The following MID1 variants were observed in gnomAD, a reference collection of about 807,000 sequenced individuals.
MID1 encodes the protein midline 1, also known as E3 ubiquitin-protein ligase Midline-1.
In MID1, 7 loss-of-function variants were observed where a neutral mutation model predicts 40.4. The ratio of observed to expected loss-of-function variants is 0.17; its 90% CI spans 0.10 to 0.33. The LOEUF is 0.33. Among genes scored for constraint, MID1 ranks in the 10% least tolerant of loss-of-function variants. MID1 has a pLI of 1.00. For synonymous variants in MID1, 229 were observed against 221.2 expected (o/e 1.04, Z -0.31); for missense variants, 367 against 558.5 (o/e 0.66, Z 3.46).
At chrX:10,639,727 T>C (rs1936165749) in intron 1 of MID1, among the ~76,000 whole-genome samples, 1 of 110,441 alleles carries the variant, frequency 9.1e-6, no homozygotes, top group Non-Finnish European at 1.9e-5. Context: ...TTCACCATGG[T>C]CGAAATGAAG....
At chrX:10,664,254 C>T (rs907159255) in intron 1 of MID1, among the ~76,000 whole-genome samples, 3 of 110,223 alleles carry the variant, frequency 2.7e-5, no homozygotes, top group African/African-American at 6.6e-5. Context: ...CTCCACCTCC[C>T]GGGTTCAAGC....
chrX:10,801,090 C>A (rs547958168), intron 1 of MID1, among the ~76,000 whole-genome samples: 1 of 108,263 alleles, frequency 9.2e-6, no homozygotes, highest in Non-Finnish European at 1.9e-5. Context: ...AATGGATAGT[C>A]AGGACTCAGA....
intron 1 of MID1, among the ~76,000 whole-genome samples, chrX:10,724,423 C>G (rs2043377049): frequency 8.9e-6 from 1 of 111,798 alleles, no homozygotes; most frequent in African/African-American, 3.3e-5. Context: ...TGATGTCTAT[C>G]TAAAGTATGA....
chrX:10,529,443 A>G, intron 2 of MID1, among the ~76,000 whole-genome samples: 1 of 112,327 alleles, frequency 8.9e-6, no homozygotes, highest in Non-Finnish European at 1.9e-5. Context: ...CCTGTTTTAG[A>G]CTAAGTGTAC....
chrX:10,521,320 C>G (rs1443448613), intron 3 of MID1, among the ~76,000 whole-genome samples: 1 of 110,710 alleles, frequency 9.0e-6, no homozygotes, highest in Non-Finnish European at 1.9e-5. Context: ...TCTCCTTTCT[C>G]TGAATCACAT....
intron 3 of MID1, chrX:10,505,837 T>C: frequency 2.7e-6 from 2 of 754,484 alleles, no homozygotes; most frequent in Non-Finnish European, 3.1e-6. Flanking sequence ...TGTGCCATGA[T>C]TCCTGAAAAG....
intron 1 of MID1, among the ~76,000 whole-genome samples, chrX:10,666,407 A>C (rs1215360065): frequency 4.6e-5 from 1 of 21,922 alleles, no homozygotes; most frequent in East Asian, 2.1e-3. Flanking sequence ...GATAAACTGC[A>C]AAAAAAAAAA....
At chrX:10,822,721 A>G (rs1261610171) in intron 1 of MID1, among the ~76,000 whole-genome samples, 1 of 112,418 alleles carries the variant, frequency 8.9e-6, no homozygotes, top group Non-Finnish European at 1.9e-5. Context: ...ATATGAAAAA[A>G]AGCTCAACAT....
chrX:10,661,490 A>G (rs941512230), intron 1 of MID1, among the ~76,000 whole-genome samples: 4 of 108,929 alleles, frequency 3.7e-5, no homozygotes, highest in African/African-American at 6.7e-5. Flanking sequence ...TTTTTTGTAT[A>G]TTTAGCAGAG....
At chrX:10,498,593 G>A (rs961286984) in intron 3 of MID1, among the ~76,000 whole-genome samples, 3 of 112,069 alleles carry the variant, frequency 2.7e-5, no homozygotes, top group Non-Finnish European at 1.9e-5. Context: ...CATAATGTGT[G>A]CAGTCACTCC....
chrX:10,817,553 TTTCTTTC>T (rs2044145945), intron 1 of MID1, among the ~76,000 whole-genome samples: 1 of 103,369 alleles, frequency 9.7e-6, no homozygotes, highest in East Asian at 3.0e-4. Context: ...TCTTTCTTTC[TTTCTTTC>T]TTTCTTTCTT....
rs1427823335 is a variant in MID1, at chrX:10,475,655, G to A, written c.1014-905C>T. On this transcript the variant is annotated intron_variant, in intron 5 of 9. Transcript: ENST00000317552. ...CTGGACTAGTAATCTTGTTGAGTTT[G>A]GTATTTTGTTAAGTTCCATAAACAA... Among the ~76,000 whole-genome samples, 3 of 112,079 alleles carry A rather than the reference G, an allele frequency of 2.7e-5. No individual in the cohort carries two copies. In the East Asian group the frequency reaches 8.3e-4, roughly 31 times the overall value.
chrX:10,817,720 C>G (rs1166316925), intron 1 of MID1, among the ~76,000 whole-genome samples: 1 of 104,539 alleles, frequency 9.6e-6, no homozygotes, highest in Non-Finnish European at 1.9e-5. Flanking sequence ...CCTGGGTTAA[C>G]GTGATTCTCG....
intron 3 of MID1, among the ~76,000 whole-genome samples, chrX:10,521,721 A>G (rs1190494210): frequency 2.7e-5 from 3 of 112,388 alleles, no homozygotes; most frequent in South Asian, 3.7e-4. Context: ...ATGGAAACAT[A>G]TCTGACAACT....
intron 2 of MID1, among the ~76,000 whole-genome samples, chrX:10,542,912 C>T (rs1332339300): frequency 8.9e-6 from 1 of 112,313 alleles, no homozygotes; most frequent in African/African-American, 3.2e-5. Context: ...ATGTGGAAGT[C>T]TTAATTCAAT....
intron 1 of MID1, among the ~76,000 whole-genome samples, chrX:10,732,903 G>T (rs1203362920): frequency 1.1e-5 from 1 of 87,336 alleles, no homozygotes; most frequent in South Asian, 5.6e-4. Flanking sequence ...CTCGCTTATC[G>T]CCCAGGCTGG....
chrX:10,651,320 G>T (rs1225312238), intron 1 of MID1, among the ~76,000 whole-genome samples: 1 of 111,740 alleles, frequency 8.9e-6, no homozygotes, highest in South Asian at 3.8e-4. Context: ...GATAGCAAGG[G>T]GTTAAAATAT....
chrX:10,464,690 T>A (rs1333162664), intron 7 of MID1, among the ~76,000 whole-genome samples: 2 of 112,118 alleles, frequency 1.8e-5, no homozygotes, highest in African/African-American at 6.5e-5. Flanking sequence ...GCCACAGTTA[T>A]CAGTCTGCCA....
chrX:10,809,671 C>T (rs59898493), intron 1 of MID1, among the ~76,000 whole-genome samples: 3,442 of 108,030 alleles, frequency 0.032, 154 homozygotes, highest in African/African-American at 0.11. Context: ...AGCAAACTGT[C>T]GCAAGGACAG....
Sources: allele counts gnomAD v4.1 joint callset (sites outside exome capture counted in the v4.1 genomes callset), GRCh38; gene constraint gnomAD v4.1.1; transcripts MANE v1.5; gene names NCBI Gene and HGNC (gene_info 2026-07-23, HGNC 2026-07-21).